The following ZNF646 variants were observed in gnomAD, a reference collection of about 807,000 sequenced individuals.
The protein encoded by ZNF646 is zinc finger protein 646.
In ZNF646, 49 loss-of-function variants were observed where a neutral mutation model predicts 115.4. The ratio of observed to expected loss-of-function variants is 0.42; its 90% CI spans 0.34 to 0.54. The LOEUF is 0.54. Ranked by LOEUF, ZNF646 falls within the 20% of genes least tolerant of loss-of-function variation. The probability of loss-of-function intolerance (pLI) is 0.04; values close to 1 mark genes in which losing one functional copy is unlikely to be tolerated. For missense variants in ZNF646, 2,269 were observed against 2,457.9 expected (o/e 0.92, Z 1.62); for synonymous variants, 933 against 939.0 (o/e 0.99, Z 0.12).
chr16:31,076,305 G>A lies in ZNF646; in HGVS notation c.-20G>A. Reference sequence around the variant, plus strand: ...CGTGTCTGCTCCTTCTGAACCTCCAGGTTTCTGCTACGTTGCCCCATGGAG... The same window carrying A: ...CGTGTCTGCTCCTTCTGAACCTCCAAGTTTCTGCTACGTTGCCCCATGGAG... On this transcript the variant is annotated 5_prime_UTR_variant, in exon 2 of 3. Coordinates refer to ENST00000300850, the MANE Select transcript of ZNF646 (RefSeq NM_014699.4). 2 of 1,588,524 alleles carry A rather than the reference G, an allele frequency of 1.3e-6. No homozygotes were observed. The highest frequency in any genetic ancestry group is 1.7e-6 in the Non-Finnish European group (2 of 1,163,826).
Position 31,080,282 on chromosome 16 carries a change from A to G in ZNF646, c.3958A>G (p.Ser1320Gly), listed in dbSNP as rs976719246. Residue 1320 changes from serine (S) to glycine (G), a missense_variant, in exon 2 of 3, where the codon AGC (serine) becomes GGC (glycine). Physicochemically the swap from Ser to Gly is moderately conservative, Grantham distance 56. Transcript: ENST00000300850. ...HAGSLLNHRRSHETGQYSCPT... is the reference protein window; with the variant it reads ...HAGSLLNHRRGHETGQYSCPT... ...CGGCAGCCTCCTGAACCACCGGCGC[A>G]GCCACGAGACGGGCCAGTACAGCTG... 8 of 1,612,726 alleles carry G rather than the reference A, an allele frequency of 5.0e-6. No individual in the cohort carries two copies. Among genetic ancestry groups the G allele is most frequent in the Non-Finnish European group, 6.8e-6 (8 of 1,179,768 alleles).
In ZNF646 at chr16:31,081,674, CAGG is replaced by C. The variant is rs1168540244; in HGVS notation, c.5356_5358del (p.Glu1786del). The C allele has an allele frequency of 5.6e-6, 9 of 1,599,094 alleles. No homozygotes were observed. The Admixed American group carries it at 6.8e-5, about 12-fold the overall frequency. ...CTTCGTGCAGCACCAGCAGCAGCAC[CAGG>C]AGGAGTGGACGGTGGCCGGCTCCGG... On this transcript the variant is annotated inframe_deletion, in exon 2 of 3. Transcript: ENST00000300850.
upstream of ZNF646, chr16:31,073,514 C>G (rs555572599): frequency 6.6e-5 from 10 of 152,232 alleles, 1 homozygote; most frequent in South Asian, 2.1e-3. Flanking sequence ...CGCCCGGGGC[C>G]GCTCACAGCC....
At position 31,083,959 on chromosome 16, in the gene ZNF646, A is replaced by G; in HGVS notation, c.*867A>G. ...CAAAGCGGTTGAGCAGCCTGCTCCA[A>G]GTCACACGATGACAAAGAACCAGAA... is the stretch of plus-strand genomic sequence containing the variant. On this transcript the variant is annotated 3_prime_UTR_variant, in exon 3 of 3. Transcript: ENST00000300850. 2 of 1,509,718 alleles carry G rather than the reference A, an allele frequency of 1.3e-6. No homozygotes were observed. Among genetic ancestry groups the G allele is most frequent in the Non-Finnish European group, 1.8e-6 (2 of 1,124,556 alleles). The allele number at this position is 1,509,718 out of a possible 1,614,324, so 93.5% of individuals were successfully genotyped here.
upstream of ZNF646, chr16:31,073,131 G>A (rs987440333): frequency 6.6e-5 from 10 of 152,318 alleles, no homozygotes; most frequent in Non-Finnish European, 1.3e-4. Flanking sequence ...GGCAGCCCCT[G>A]GAGGGCAGGA....
chr16:31,076,693 C>T lies in ZNF646; in HGVS notation c.369C>T (p.Ser123=), dbSNP rs1269507326. The T allele has an allele frequency of 6.2e-7, 1 of 1,613,422 alleles. No homozygotes were observed. Among genetic ancestry groups the T allele is most frequent in the Non-Finnish European group, 8.5e-7 (1 of 1,179,940 alleles). ...ATPHLQGETV[S]TDSWGQRLGS... ...CACACCTCCAGGGTGAGACGGTGTC[C>T]ACTGACTCCTGGGGCCAAAGGCTTG... The change falls in exon 2 of 3, where the codon TCC becomes TCT. Residue 123 remains serine (S), a synonymous_variant. Coordinates refer to ENST00000300850, the MANE Select transcript of ZNF646 (RefSeq NM_014699.4).
rs750197264 is a variant in ZNF646, at chr16:31,077,816, C to G, written c.1492C>G (p.Pro498Ala). The change falls in exon 2 of 3, where the codon CCC (proline) becomes GCC (alanine). Residue 498 changes from proline to alanine, a missense_variant. By Grantham distance (27) the Pro-to-Ala change is conservative. Around this residue, in one of 5 missense-constraint regions of ZNF646, gnomAD observed 852 missense variants for 900.2 expected, o/e 0.95. Coordinates refer to ENST00000300850, the MANE Select transcript of ZNF646 (RefSeq NM_014699.4). ...TGGAGAGTACCAGTGCTCACTCTGTCCCCGCAAGTACCCCAATCTCATGGC... is the reference window on the plus strand; with the variant it reads ...TGGAGAGTACCAGTGCTCACTCTGTGCCCGCAAGTACCCCAATCTCATGGC... ...RTGEYQCSLCPRKYPNLMALR... is the reference protein window; with the variant it reads ...RTGEYQCSLCARKYPNLMALR... 2 of 1,613,922 alleles carry G rather than the reference C, an allele frequency of 1.2e-6. No individual in the cohort carries two copies. The highest frequency in any genetic ancestry group is 1.7e-5 in the Admixed American group (1 of 60,026).
chr16:31,078,853 C>T lies in ZNF646; in HGVS notation c.2529C>T (p.His843=). ...GCCTGCTGAGCCACAGGCCCTGCCA[C>T]CCACCAGGCATCTATCAGTGCTCCC... ...ATGLLSHRPC[H]PPGIYQCSLC... The change falls in exon 2 of 3, where the codon CAC becomes CAT. Residue 843 remains histidine, a synonymous_variant. Coordinates refer to ENST00000300850, the MANE Select transcript of ZNF646 (RefSeq NM_014699.4). 1.9e-6 allele frequency: 3 copies of T among 1,614,022 alleles called. No homozygotes were observed. Among genetic ancestry groups the T allele is most frequent in the South Asian group, 1.1e-5 (1 of 91,086 alleles).
Position 31,079,719 on chromosome 16 carries a change from G to A in ZNF646, c.3395G>A (p.Gly1132Asp). Residue 1132 changes from glycine to aspartate, a missense_variant, in exon 2 of 3, where the codon GGC becomes GAC. By Grantham distance (94) the Gly-to-Asp change is moderately conservative. Coordinates refer to ENST00000300850, the MANE Select transcript of ZNF646 (RefSeq NM_014699.4). The surrounding 1 kb of genome is among the most constrained non-coding windows in gnomAD (Gnocchi z 5.5). ...CAGGTTGGGCCCATCCCAGAAGGAG[G>A]CAGCAACAAGCCCCAGCACATGGCA... Reference protein sequence around the residue: ...ELQVGPIPEGGSNKPQHMAEE... With the variant: ...ELQVGPIPEGDSNKPQHMAEE... The A allele has an allele frequency of 1.2e-6, 2 of 1,613,584 alleles. No homozygotes were observed. The highest frequency in any genetic ancestry group is 1.3e-5 in the African/African-American group (1 of 75,008).
Position 31,083,286 on chromosome 16 carries a change from C to A in ZNF646, c.*194C>A. On this transcript the variant is annotated 3_prime_UTR_variant, in exon 3 of 3. Coordinates refer to ENST00000300850, the MANE Select transcript of ZNF646 (RefSeq NM_014699.4). Reference sequence around the variant, plus strand: ...CGCGTCCCTGTCCTTGAAGGACCTCCTTCCCCCAGCCTCATCACCGTGCTC... The same window carrying A: ...CGCGTCCCTGTCCTTGAAGGACCTCATTCCCCCAGCCTCATCACCGTGCTC... 1 of 993,346 alleles carries A rather than the reference C, an allele frequency of 1.0e-6. No individual in the cohort carries two copies. The highest frequency in any genetic ancestry group is 1.4e-6 in the Non-Finnish European group (1 of 704,584). The allele number at this position is 993,346 out of a possible 1,614,324, so 61.5% of individuals were successfully genotyped here.
rs142820214 is a variant in ZNF646, at chr16:31,076,799, G to C, written c.475G>C (p.Ala159Pro). 196 of 1,614,094 alleles carry C rather than the reference G, an allele frequency of 1.2e-4. No homozygotes were observed. The African/African-American group carries it at 2.2e-3, about 18-fold the overall frequency. The change falls in exon 2 of 3, where the codon GCT becomes CCT. Residue 159 changes from alanine (A) to proline (P), a missense_variant. This residue lies in a region of ZNF646 where 334 missense variants were observed against 323.5 expected (regional missense o/e 1.03). Coordinates refer to ENST00000300850, the MANE Select transcript of ZNF646 (RefSeq NM_014699.4). ...TGAATCTGTACCTGACCCCAGGGCA[G>C]CTTCGGGTACGTGGGAAGATCTGCC... is the stretch of plus-strand genomic sequence containing the variant. ...DCESVPDPRA[A>P]SGTWEDLPTR... is the part of the protein sequence containing the mutation.
rs1259617705 is a variant in ZNF646, at chr16:31,079,296, G to C, written c.2972G>C (p.Ser991Thr). 2 of 1,613,602 alleles carry C rather than the reference G, an allele frequency of 1.2e-6. No individual in the cohort carries two copies. The highest frequency in any genetic ancestry group is 3.3e-5 in the Admixed American group (2 of 60,008). The change falls in exon 2 of 3, where the codon AGC (serine) becomes ACC (threonine). Residue 991 changes from serine (S) to threonine (T), a missense_variant. By Grantham distance (58) the Ser-to-Thr change is moderately conservative. Coordinates refer to ENST00000300850, the MANE Select transcript of ZNF646 (RefSeq NM_014699.4). This position sits in a 1 kb window ranked among gnomAD's most constrained non-coding sequence, Gnocchi z 5.5. Reference sequence around the variant, plus strand: ...GGGACTACTGCAGACAAGGCTCCCAGCCCCTTGGGAGTGGCAGGTGATGCC... The same window carrying C: ...GGGACTACTGCAGACAAGGCTCCCACCCCCTTGGGAGTGGCAGGTGATGCC... ...SSGTTADKAPSPLGVAGDAME... is the reference protein window; with the variant it reads ...SSGTTADKAPTPLGVAGDAME...
In ZNF646 at chr16:31,078,137, A is replaced by G; in HGVS notation, c.1813A>G (p.Ser605Gly). 3 of 1,614,106 alleles carry G rather than the reference A, an allele frequency of 1.9e-6. No individual in the cohort carries two copies. Among genetic ancestry groups the G allele is most frequent in the Non-Finnish European group, 2.5e-6 (3 of 1,180,034 alleles). The change falls in exon 2 of 3, where the codon AGC becomes GGC. Residue 605 changes from serine (S) to glycine (G), a missense_variant. By Grantham distance (56) the Ser-to-Gly change is moderately conservative (BLOSUM62 0). Coordinates refer to ENST00000300850, the MANE Select transcript of ZNF646 (RefSeq NM_014699.4). ...LTHGAGEKEN[S>G]RTETTMSPPR... is the part of the protein sequence containing the mutation. Reference sequence around the variant, plus strand: ...TCATGGGGCAGGGGAAAAGGAAAATAGCAGAACAGAGACCACAATGTCACC... The same window carrying G: ...TCATGGGGCAGGGGAAAAGGAAAATGGCAGAACAGAGACCACAATGTCACC...
rs759738777 is a variant in ZNF646 at position 31,076,611 on chromosome 16, C to T, written c.287C>T (p.Thr96Ile). The T allele has an allele frequency of 2.2e-5, 35 of 1,613,046 alleles. No homozygotes were observed. The highest frequency in any genetic ancestry group is 1.6e-4 in the Middle Eastern group (1 of 6,084). ...ATGGCTCTCAAGAGCCATATGAGGACACATGCTCCTGAGGGCCGCCGCAGG... is the reference window on the plus strand; with the variant it reads ...ATGGCTCTCAAGAGCCATATGAGGATACATGCTCCTGAGGGCCGCCGCAGG... ...NPMALKSHMR[T>I]HAPEGRRRHR... Residue 96 changes from threonine to isoleucine, a missense_variant, in exon 2 of 3, where the codon ACA (threonine) becomes ATA (isoleucine). Thr to Ile is a moderately conservative substitution (Grantham distance 89). This residue lies in a region of ZNF646 where 334 missense variants were observed against 323.5 expected (regional missense o/e 1.03). Coordinates refer to ENST00000300850, the MANE Select transcript of ZNF646 (RefSeq NM_014699.4).
In ZNF646 at chr16:31,080,701, A is replaced by G. The variant is rs1596776857; in HGVS notation, c.4377A>G (p.Ala1459=). 2 of 1,613,864 alleles carry G rather than the reference A, an allele frequency of 1.2e-6. No individual in the cohort carries two copies. The highest frequency in any genetic ancestry group is 1.7e-6 in the Non-Finnish European group (2 of 1,179,992). ...SEAPEPLSWG[A]GKAGGWPVGG... is the part of the protein sequence containing the mutation. Reference sequence around the variant, plus strand: ...CCCCAGAGCCACTGTCCTGGGGTGCAGGGAAGGCAGGTGGGTGGCCGGTAG... The same window carrying G: ...CCCCAGAGCCACTGTCCTGGGGTGCGGGGAAGGCAGGTGGGTGGCCGGTAG... The change falls in exon 2 of 3, where the codon GCA becomes GCG. Residue 1459 remains alanine (A), a synonymous_variant. Coordinates refer to ENST00000300850, the MANE Select transcript of ZNF646 (RefSeq NM_014699.4).
upstream of ZNF646, chr16:31,073,668 C>T (rs1280318814): frequency 6.6e-6 from 1 of 152,200 alleles, no homozygotes; most frequent in Non-Finnish European, 1.5e-5. Context: ...CCTGATGAGA[C>T]TTGTGCTGAC....
intron 2 of ZNF646, 117 bp from the exon 3 acceptor site, chr16:31,082,853 TG>T: frequency 7.4e-7 from 1 of 1,356,312 alleles, no homozygotes; most frequent in Non-Finnish European, 1.0e-6. Flanking sequence ...CTAGAATCCC[TG>T]TTCTCATCTG....
Position 31,083,052 on chromosome 16 carries a change from C to T in ZNF646, c.5459C>T (p.Pro1820Leu), listed in dbSNP as rs1567413837. The change falls in exon 3 of 3, where the codon CCT becomes CTT. Residue 1820 changes from proline to leucine, a missense_variant. Physicochemically the swap from Pro to Leu is moderately conservative, Grantham distance 98. Coordinates refer to ENST00000300850, the MANE Select transcript of ZNF646 (RefSeq NM_014699.4). The stretch of plus-strand genomic sequence containing the variant: ...ACCCCCACGACCCCACTCCTGGATC[C>T]TTCACCCCAGTGGCCTGCAGACCTC... The part of the protein sequence containing the change: ...PPTPTTPLLD[P>L]SPQWPADLSF... 6.2e-7 allele frequency: 1 copy of T among 1,603,696 alleles called. No individual in the cohort carries two copies. Among genetic ancestry groups the T allele is most frequent in the Non-Finnish European group, 8.5e-7 (1 of 1,176,362 alleles).
rs761085293 is a variant in ZNF646, at chr16:31,078,322, C to G, written c.1998C>G (p.His666Gln). The change falls in exon 2 of 3, where the codon CAC (histidine) becomes CAG (glutamine). Residue 666 changes from histidine (H) to glutamine (Q), a missense_variant. Transcript: ENST00000300850. ...MAAMKNHLRR[H>Q]SRRRSRRHRK... Reference sequence around the variant, plus strand: ...CCATGAAGAACCACTTGCGCCGGCACAGTCGGCGGCGGAGCAGGCGGCATC... The same window carrying G: ...CCATGAAGAACCACTTGCGCCGGCAGAGTCGGCGGCGGAGCAGGCGGCATC... The G allele has an allele frequency of 1.2e-6, 2 of 1,613,600 alleles. No individual in the cohort carries two copies. Among genetic ancestry groups the G allele is most frequent in the Non-Finnish European group, 8.5e-7 (1 of 1,179,904 alleles).
Sources: gnomAD v4.1 joint callset for allele counts on GRCh38, gnomAD v4.1.1 for gene constraint, gnomAD v4.1.1 regional missense constraint, Gnocchi (gnomAD v3.1) non-coding constraint, MANE v1.5 for transcripts, NCBI Gene and HGNC (gene_info 2026-07-23, HGNC 2026-07-21) for gene names.